The following MYO3B variants were observed in gnomAD, a reference collection of about 807,000 sequenced individuals.
The protein encoded by MYO3B is myosin-IIIb.
Under a neutral mutation model 174.6 loss-of-function variants are expected in MYO3B, and 156 were observed. The observed-to-expected ratio is 0.89, with a 90% CI of 0.78 to 1.02. The LOEUF is 1.02. MYO3B is among the 50% of genes least tolerant of loss of function. The pLI is 0.00. For missense variants in MYO3B, 1,632 were observed against 1,639.4 expected (o/e 1.00, Z 0.08); for synonymous variants, 563 against 569.1 (o/e 0.99, Z 0.15).
chr2:170,373,516 T>G (rs929462043), intron 9 of MYO3B, among the ~76,000 whole-genome samples: 2 of 152,190 alleles, frequency 1.3e-5, no homozygotes, highest in Admixed American at 6.5e-5. Flanking sequence ...TCAGTCCACT[T>G]TAGTACTTTT....
chr2:170,228,976 A>C (rs1283037580), intron 6 of MYO3B, among the ~76,000 whole-genome samples: 12 of 151,778 alleles, frequency 7.9e-5, no homozygotes, highest in Non-Finnish European at 4.4e-5. Context: ...AAAAAAAAAA[A>C]AAAAACAACG....
chr2:170,427,244 G>T (rs958660019), intron 22 of MYO3B, among the ~76,000 whole-genome samples: 1 of 152,008 alleles, frequency 6.6e-6, no homozygotes, highest in African/African-American at 2.4e-5. Context: ...ATCTTTGTTG[G>T]CCTTTATTCT....
At chr2:170,392,876 T>C (rs1350968365) in intron 16 of MYO3B, among the ~76,000 whole-genome samples, 1 of 152,058 alleles carries the variant, frequency 6.6e-6, no homozygotes, top group African/African-American at 2.4e-5. Context: ...TTTTTTCTGA[T>C]TGAGCGTTCT....
At chr2:170,474,743 C>CAAAAAAAAAAAAA (rs55913448) in intron 25 of MYO3B, among the ~76,000 whole-genome samples, 10 of 37,590 alleles carry the variant, frequency 2.7e-4, no homozygotes, top group East Asian at 8.4e-4. Context: ...AACTCCGTCT[C>CAAAAAAAAAAAAA]AAAAAAAAAA....
intron 30 of MYO3B, among the ~76,000 whole-genome samples, chr2:170,528,416 A>G (rs1413453815): frequency 2.0e-5 from 3 of 151,904 alleles, no homozygotes; most frequent in Non-Finnish European, 4.4e-5. Flanking sequence ...ATTTTATTTT[A>G]TTTTTTTTGA....
At chr2:170,380,346 TTTCAACTTTATTGCATTTTTATATCCA>T (rs1282564557) in intron 9 of MYO3B, among the ~76,000 whole-genome samples, 1 of 146,906 alleles carries the variant, frequency 6.8e-6, no homozygotes, top group Non-Finnish European at 1.6e-5. Context: ...TAGTACATGT[TTTCAACTTTATTGCATTTTTATATCCA>T]TGACTATATG....
intron 7 of MYO3B, among the ~76,000 whole-genome samples, chr2:170,257,736 A>T (rs1436700010): frequency 6.6e-6 from 1 of 152,096 alleles, no homozygotes; most frequent in African/African-American, 2.4e-5. Context: ...TAAGAGCAGA[A>T]CAGAACAAAA....
intron 32 of MYO3B, among the ~76,000 whole-genome samples, chr2:170,563,031 TACACACACACAC>T (rs56861648): frequency 9.4e-5 from 13 of 138,568 alleles, no homozygotes; most frequent in African/African-American, 3.3e-4. Flanking sequence ...AAAACATGCA[TACACACACACAC>T]ACACACACAC....
intron 3 of MYO3B, among the ~76,000 whole-genome samples, chr2:170,203,602 T>C (rs1007940448): frequency 2.0e-5 from 3 of 151,778 alleles, no homozygotes; most frequent in African/African-American, 7.3e-5. Flanking sequence ...CCCTAGAAAG[T>C]ATAATCTAGA....
intron 22 of MYO3B, among the ~76,000 whole-genome samples, chr2:170,430,356 AT>A (rs1293969364): frequency 2.1e-5 from 3 of 144,562 alleles, no homozygotes; most frequent in Admixed American, 7.1e-5. Flanking sequence ...TTCCATAAAA[AT>A]TTTTTTTTCT....
intron 32 of MYO3B, among the ~76,000 whole-genome samples, chr2:170,563,953 A>T (rs1171031249): frequency 6.6e-6 from 1 of 152,240 alleles, no homozygotes; most frequent in East Asian, 1.9e-4. Context: ...GGGTTCTGTT[A>T]TGAAGGAAGC....
intron 32 of MYO3B, among the ~76,000 whole-genome samples, chr2:170,586,230 C>G (rs1693489006): frequency 6.6e-6 from 1 of 152,112 alleles, no homozygotes; most frequent in East Asian, 1.9e-4. Context: ...TGTGTTTGGT[C>G]TTTGACTTTG....
At chr2:170,182,614 CT>C (rs3066879) in intron 1 of MYO3B, among the ~76,000 whole-genome samples, 84 of 135,582 alleles carry the variant, frequency 6.2e-4, no homozygotes, top group Non-Finnish European at 7.2e-4. Flanking sequence ...TTTTCTGTTT[CT>C]TTTTTTTTTT....
At chr2:170,524,362 A>T in intron 30 of MYO3B, 1 of 345,142 alleles carries the variant, frequency 2.9e-6, no homozygotes. Flanking sequence ...TCACTGGGTT[A>T]TGCAGGGTCA....
At chr2:170,179,663 T>G (rs888463004) in intron 1 of MYO3B, among the ~76,000 whole-genome samples, 1 of 152,182 alleles carries the variant, frequency 6.6e-6, no homozygotes, top group African/African-American at 2.4e-5. Context: ...TCACCAGATG[T>G]GGCCCCTTGA....
intron 22 of MYO3B, among the ~76,000 whole-genome samples, chr2:170,424,447 T>C (rs2094644895): frequency 6.6e-6 from 1 of 152,034 alleles, no homozygotes; most frequent in Non-Finnish European, 1.5e-5. Flanking sequence ...TGAAACCCCG[T>C]CTCTACCAAG....
At chr2:170,601,594 C>G in intron 32 of MYO3B, 1 of 1,130,558 alleles carries the variant, frequency 8.8e-7, no homozygotes, top group Admixed American at 1.8e-5. Context: ...AGGAAAAAAA[C>G]TAGGCTAGAA....
intron 31 of MYO3B, 23 bp downstream of exon 31, chr2:170,542,989 A>T: frequency 6.3e-7 from 1 of 1,595,218 alleles, no homozygotes; most frequent in African/African-American, 1.3e-5. Context: ...CTTGATTCCA[A>T]AGTAAATGTG....
At chr2:170,271,450 A>G (rs908781) in intron 7 of MYO3B, among the ~76,000 whole-genome samples, 122,815 of 152,052 alleles carry the variant, frequency 0.81, 52,171 homozygotes, top group East Asian at 0.96. Context: ...TCTGTCTAGA[A>G]TATATTTTCA....
Sources: allele counts gnomAD v4.1 joint callset (sites outside exome capture counted in the v4.1 genomes callset), GRCh38; gene constraint gnomAD v4.1.1; transcripts MANE v1.5; gene names NCBI Gene and HGNC (gene_info 2026-07-23, HGNC 2026-07-21).